TCF4: variants seen among roughly 807,000 people sequenced by gnomAD.
TCF4 encodes the protein SL3-3 enhancer factor 2.
TCF4 carries 3 observed loss-of-function variants against 82.1 expected under a neutral mutation model. The observed-to-expected ratio is 0.04, with a 90% CI of 0.02 to 0.09. TCF4 has a LOEUF of 0.09. Ranked by LOEUF, TCF4 falls within the 10% of genes least tolerant of loss-of-function variation. The probability of loss-of-function intolerance (pLI) is 1.00; values close to 1 mark genes in which losing one functional copy is unlikely to be tolerated. For missense variants in TCF4, 518 were observed against 852.7 expected (o/e 0.61, Z 4.89); for synonymous variants, 276 against 309.6 (o/e 0.89, Z 1.14).
At chr18:55,451,792 C>T (rs1458710927) in intron 5 of TCF4, among the ~76,000 whole-genome samples, 1 of 152,162 alleles carries the variant, frequency 6.6e-6, no homozygotes, top group African/African-American at 2.4e-5. Context: ...GTCACAGACA[C>T]ATTTTAAGTA....
chr18:55,253,285 T>C (rs559517383), intron 15 of TCF4, among the ~76,000 whole-genome samples: 2 of 152,292 alleles, frequency 1.3e-5, no homozygotes, highest in African/African-American at 2.4e-5. Context: ...TGTATGTATT[T>C]TGCATTTCCT....
chr18:55,248,072 G>A (rs980596734), intron 15 of TCF4, among the ~76,000 whole-genome samples: 1 of 152,154 alleles, frequency 6.6e-6, no homozygotes, highest in Non-Finnish European at 1.5e-5. Flanking sequence ...GGGAATAACT[G>A]CTTAGAAATG....
At chr18:55,413,295 T>C (rs2094420728) in intron 5 of TCF4, among the ~76,000 whole-genome samples, 1 of 152,188 alleles carries the variant, frequency 6.6e-6, no homozygotes, top group South Asian at 2.1e-4. Context: ...TAGCACTGAA[T>C]ACAATTGACC....
intron 5 of TCF4, among the ~76,000 whole-genome samples, chr18:55,453,765 C>T (rs1263953254): frequency 2.0e-5 from 3 of 151,374 alleles, no homozygotes; most frequent in South Asian, 2.1e-4. Flanking sequence ...ATACCAGAAA[C>T]GCAACTTTTT....
chr18:55,480,246 A>G (rs1368482529), intron 3 of TCF4, among the ~76,000 whole-genome samples: 1 of 130,006 alleles, frequency 7.7e-6, no homozygotes, highest in Non-Finnish European at 1.6e-5. Context: ...GGAAAATGTT[A>G]CCATGGAACC....
In TCF4 at chr18:55,386,114, C is replaced by T. The variant is rs1035645424; in HGVS notation, c.369+17340G>A. Among the ~76,000 whole-genome samples the T allele has an allele frequency of 5.9e-5, 9 of 152,246 alleles. No homozygotes were observed. The South Asian group carries it at 1.5e-3, about 25-fold the overall frequency. ...CATTAGTCAAACCAGTACAGCAGGC[C>T]CTACTCCCAGCGCCTCCCAGGTACC... On this transcript the variant is annotated intron_variant, in intron 6 of 19. Coordinates refer to ENST00000354452, the MANE Select transcript of TCF4 (RefSeq NM_001083962.2).
rs1022134917 is a variant in TCF4, at chr18:55,321,938, C to A, written c.549+28421G>T. On this transcript the variant is annotated intron_variant, in intron 8 of 19. Coordinates refer to ENST00000354452, the MANE Select transcript of TCF4 (RefSeq NM_001083962.2). Reference sequence around the variant, plus strand: ...CTGCTGTCAGACGCTCAACTTTGCGCAGCGGAGCTGGAAGGCAGCCCGGCC... The same window carrying A: ...CTGCTGTCAGACGCTCAACTTTGCGAAGCGGAGCTGGAAGGCAGCCCGGCC... The A allele has an allele frequency of 3.6e-6, 5 of 1,381,316 alleles. No individual in the cohort carries two copies. In the East Asian group the frequency reaches 1.0e-4, roughly 29 times the overall value. 85.6% of individuals were successfully genotyped at this position (1,381,316 alleles called of 1,614,324 possible). A position where few individuals can be genotyped will look rare whatever the true frequency, so the allele number is the denominator to read the frequency against.
At chr18:55,563,844 TATC>T (rs1462085623) in intron 3 of TCF4, among the ~76,000 whole-genome samples, 4 of 152,250 alleles carry the variant, frequency 2.6e-5, no homozygotes, top group East Asian at 1.9e-4. Flanking sequence ...AAAATTATAA[TATC>T]ATCAGAAATT....
rs1197356287 is a variant in TCF4 at position 55,225,717 on chromosome 18, T to C, written c.*2318A>G. The stretch of plus-strand genomic sequence containing the variant: ...GTCCTTCTCTGAGCCTCTTTGTTCA[T>C]ACATTTCACAGGAAAGCCCCAAAAT... On this transcript the variant is annotated 3_prime_UTR_variant, in exon 20 of 20. Coordinates refer to ENST00000354452, the MANE Select transcript of TCF4 (RefSeq NM_001083962.2). 2 of 152,556 alleles carry C rather than the reference T, an allele frequency of 1.3e-5. No individual in the cohort carries two copies. Among genetic ancestry groups the C allele is most frequent in the African/African-American group, 4.8e-5 (2 of 41,456 alleles). The allele number at this position is 152,556 out of a possible 1,614,324, so 9.5% of individuals were successfully genotyped here.
intron 6 of TCF4, among the ~76,000 whole-genome samples, chr18:55,357,613 T>C (rs1482296988): frequency 6.6e-6 from 1 of 152,252 alleles, no homozygotes; most frequent in Non-Finnish European, 1.5e-5. Flanking sequence ...GCCAGGTTGC[T>C]ATTTTAGCAA....
chr18:55,491,895 T>C (rs558196989), intron 3 of TCF4, among the ~76,000 whole-genome samples: 4 of 152,218 alleles, frequency 2.6e-5, no homozygotes, highest in African/African-American at 9.6e-5. Flanking sequence ...ACAGAGAAAA[T>C]GAGCATGTGT....
chr18:55,278,169 T>A lies in TCF4; in HGVS notation c.655+1382A>T, dbSNP rs182217838. ...ACACTGAAGGGAAGGAAGATTAGTA[T>A]CTTTTAATGAGAATGATTTTGAGTG... is the stretch of plus-strand genomic sequence containing the variant. On this transcript the variant is annotated intron_variant, in intron 9 of 19. Transcript: ENST00000354452. Among the ~76,000 whole-genome samples, 10 of 152,170 alleles carry A rather than the reference T, an allele frequency of 6.6e-5. No homozygotes were observed. The East Asian group carries it at 1.9e-3, about 29-fold the overall frequency.
At chr18:55,230,040 G>A (rs1053784573) in intron 17 of TCF4, 6 of 151,846 alleles carry the variant, frequency 4.0e-5, no homozygotes. Context: ...AGCTACTCAG[G>A]AGGCTGAGGT....
intron 3 of TCF4, among the ~76,000 whole-genome samples, chr18:55,561,287 A>G (rs2097353114): frequency 6.6e-6 from 1 of 152,200 alleles, no homozygotes; most frequent in Non-Finnish European, 1.5e-5. Context: ...TTATCATACA[A>G]TAGGATAATA....
intron 3 of TCF4, among the ~76,000 whole-genome samples, chr18:55,509,302 A>G (rs1248896533): frequency 6.6e-6 from 1 of 151,636 alleles, no homozygotes; most frequent in Non-Finnish European, 1.5e-5. Flanking sequence ...AAAAGCAAGT[A>G]GGTACAGCAA....
rs374929390 is a variant in TCF4, at chr18:55,304,484, TGAG to T, written c.550-24831_550-24829del. Among the ~76,000 whole-genome samples the T allele has an allele frequency of 6.7e-4, 102 of 152,240 alleles. 1 individual carries two copies. Among genetic ancestry groups the T allele is most frequent in the African/African-American group, 2.4e-3 (100 of 41,548 alleles). On this transcript the variant is annotated intron_variant, in intron 8 of 19. Coordinates refer to ENST00000354452, the MANE Select transcript of TCF4 (RefSeq NM_001083962.2). ...GCACACCTTTACAACCACTATAGAC[TGAG>T]GAGATTATATGAAAAACAATATCAT...
intron 8 of TCF4, among the ~76,000 whole-genome samples, chr18:55,332,728 A>G (rs565264748): frequency 4.6e-5 from 7 of 152,340 alleles, no homozygotes; most frequent in African/African-American, 7.2e-5. Context: ...GAATTTTTCA[A>G]CCTCGAACTT....
intron 5 of TCF4, among the ~76,000 whole-genome samples, chr18:55,428,693 T>C (rs2095078395): frequency 6.6e-6 from 1 of 152,220 alleles, no homozygotes; most frequent in Non-Finnish European, 1.5e-5. Context: ...TCTTCATTTT[T>C]AAGAGTATTA....
At chr18:55,441,332 C>T (rs893908271) in intron 5 of TCF4, among the ~76,000 whole-genome samples, 9 of 152,186 alleles carry the variant, frequency 5.9e-5, no homozygotes, top group Admixed American at 2.0e-4. Context: ...ACTTAATCAA[C>T]AGGGGTTTTA....
Sources: gnomAD v4.1 joint callset for allele counts (sites outside exome capture counted in the v4.1 genomes callset) on GRCh38, gnomAD v4.1.1 for gene constraint, MANE v1.5 for transcripts, NCBI Gene and HGNC (gene_info 2026-07-23, HGNC 2026-07-21) for gene names.